ZSCAN25: variants seen among roughly 807,000 people sequenced by gnomAD.
ZSCAN25 encodes the protein zinc finger and SCAN domain containing 25, also known as zinc finger and SCAN domain-containing protein 25.
Under a neutral mutation model 38.7 loss-of-function variants are expected in ZSCAN25, and 27 were observed. The observed-to-expected ratio is 0.70, with a 90% CI of 0.51 to 0.96. ZSCAN25 has a LOEUF of 0.96. Ranked by LOEUF, ZSCAN25 falls within the 40% of genes least tolerant of loss-of-function variation. The pLI, the probability that ZSCAN25 is intolerant of heterozygous loss-of-function variation, is 0.00. For missense variants in ZSCAN25, 637 were observed against 705.9 expected, an observed-to-expected ratio of 0.90 and a Z score of 1.11; for synonymous variants, 273 against 277.7, an observed-to-expected ratio of 0.98 and a Z score of 0.17.
At chr7:99,622,377 C>A (rs143275162) in intron 5 of ZSCAN25, 172 bp from the exon 6 acceptor site, 5 of 678,536 alleles carry the variant, frequency 7.4e-6, no homozygotes, top group East Asian at 2.7e-5. Flanking sequence ...GGGCAAGGGA[C>A]ACCCAGGCCC....
At chr7:99,667,242 G>T in the ZSCAN25 span, among the ~76,000 whole-genome samples, 1 of 147,284 alleles carries the variant, frequency 6.8e-6, no homozygotes, top group Non-Finnish European at 1.5e-5. Context: ...TCTTCTGAGT[G>T]TATGTGGGGC....
chr7:99,660,469 T>C, the ZSCAN25 span: 2 of 1,573,614 alleles, frequency 1.3e-6, no homozygotes, highest in Admixed American at 1.9e-5. Flanking sequence ...CTTCACCTCT[T>C]CCCTTCATCT....
the ZSCAN25 span, among the ~76,000 whole-genome samples, chr7:99,716,185 A>G: frequency 6.6e-6 from 1 of 152,204 alleles, no homozygotes; most frequent in Non-Finnish European, 1.5e-5. Flanking sequence ...GAGATCCACT[A>G]TCAGACAACT....
chr7:99,658,222 G>A, the ZSCAN25 span, among the ~76,000 whole-genome samples: 6 of 152,268 alleles, frequency 3.9e-5, no homozygotes, highest in South Asian at 6.2e-4. Context: ...GCTGGTACCA[G>A]TTGTTCCTTT....
chr7:99,726,173 C>T, the ZSCAN25 span, among the ~76,000 whole-genome samples: 1 of 152,122 alleles, frequency 6.6e-6, no homozygotes, highest in Non-Finnish European at 1.5e-5. Context: ...GTATGGGACA[C>T]CTCTACTCCC....
the ZSCAN25 span, among the ~76,000 whole-genome samples, chr7:99,708,795 A>G: frequency 6.6e-6 from 1 of 152,224 alleles, no homozygotes; most frequent in African/African-American, 2.4e-5. Context: ...CTTATGACCC[A>G]TAAGGACATA....
chr7:99,630,231 A>G lies in ZSCAN25; in HGVS notation c.*211A>G, dbSNP rs748556844. 10 of 1,345,692 alleles carry G rather than the reference A, an allele frequency of 7.4e-6. No individual in the cohort carries two copies. The highest frequency in any genetic ancestry group is 9.5e-6 in the Non-Finnish European group (10 of 1,054,078). 83.4% of individuals were successfully genotyped at this position (1,345,692 alleles called of 1,614,324 possible). A position where few individuals can be genotyped will look rare whatever the true frequency, so the allele number is the denominator to read the frequency against. ...AGTGGTGCTAAACAATTTTTCTTCC[A>G]ATGTTTGAGGGAAGCAGTCTCCTGC... On this transcript the variant is annotated 3_prime_UTR_variant, in exon 8 of 8. Coordinates refer to ENST00000394152, the MANE Select transcript of ZSCAN25 (RefSeq NM_145115.3).
chr7:99,632,442 C>T (rs1808076717), downstream of ZSCAN25: 2 of 242,396 alleles, frequency 8.3e-6, no homozygotes, highest in South Asian at 3.1e-4. Flanking sequence ...TCCCCGTCTT[C>T]CTCCCCCACT....
chr7:99,700,799 G>A, the ZSCAN25 span, among the ~76,000 whole-genome samples: 1 of 152,118 alleles, frequency 6.6e-6, no homozygotes, highest in African/African-American at 2.4e-5. Context: ...GAGATTGCTG[G>A]GCCCCTGTGT....
At chr7:99,679,301 G>A in the ZSCAN25 span, among the ~76,000 whole-genome samples, 1 of 152,112 alleles carries the variant, frequency 6.6e-6, no homozygotes, top group Non-Finnish European at 1.5e-5. Context: ...GGTGTCCCCT[G>A]GTGCGTTATG....
At chr7:99,680,920 T>C in the ZSCAN25 span, among the ~76,000 whole-genome samples, 1 of 152,232 alleles carries the variant, frequency 6.6e-6, no homozygotes, top group East Asian at 1.9e-4. Flanking sequence ...CATCTATTCA[T>C]TCCTGTATTA....
At chr7:99,672,940 A>G in the ZSCAN25 span, 4 of 1,249,672 alleles carry the variant, frequency 3.2e-6, no homozygotes, top group African/African-American at 6.1e-5. Context: ...AGCTCTTTAA[A>G]GAGATTATGG....
chr7:99,647,194 C>T, the ZSCAN25 span, among the ~76,000 whole-genome samples: 3 of 152,214 alleles, frequency 2.0e-5, no homozygotes, highest in Non-Finnish European at 4.4e-5. Context: ...TTGAAGGCCA[C>T]ACCTCTGTGT....
At chr7:99,731,173 C>G in the ZSCAN25 span, 14 of 1,613,384 alleles carry the variant, frequency 8.7e-6, no homozygotes, top group South Asian at 1.4e-4. Flanking sequence ...AAACAAAAAT[C>G]AGGTCTCAGG....
the ZSCAN25 span, chr7:99,731,047 A>G: frequency 1.2e-6 from 2 of 1,613,678 alleles, no homozygotes; most frequent in Non-Finnish European, 8.5e-7. Flanking sequence ...GAGGAAGCTC[A>G]AAAACACTCA....
chr7:99,685,315 T>G, the ZSCAN25 span: 2 of 1,558,068 alleles, frequency 1.3e-6, no homozygotes, highest in Non-Finnish European at 1.8e-6. Context: ...AAACAAAAAA[T>G]GTATTGCTGA....
the ZSCAN25 span, among the ~76,000 whole-genome samples, chr7:99,696,723 T>A: frequency 6.6e-6 from 1 of 152,220 alleles, no homozygotes; most frequent in African/African-American, 2.4e-5. Flanking sequence ...AGTGATATGG[T>A]CTGAATCTGC....
At chr7:99,666,731 A>T in the ZSCAN25 span, 1 of 1,613,770 alleles carries the variant, frequency 6.2e-7, no homozygotes, top group South Asian at 1.1e-5. Flanking sequence ...AAATGTGCAG[A>T]CTCAAGTCCC....
the ZSCAN25 span, among the ~76,000 whole-genome samples, chr7:99,646,546 AGAAAT>A: frequency 6.6e-6 from 1 of 152,206 alleles, no homozygotes; most frequent in Non-Finnish European, 1.5e-5. Flanking sequence ...AATATCATTT[AGAAAT>A]CATTTCCAAA....
Sources: gnomAD v4.1 joint callset for allele counts (sites outside exome capture counted in the v4.1 genomes callset) on GRCh38, gnomAD v4.1.1 for gene constraint, MANE v1.5 for transcripts, NCBI Gene and HGNC (gene_info 2026-07-23, HGNC 2026-07-21) for gene names.